The following GPR158 variants were observed in gnomAD, a reference collection of about 807,000 sequenced individuals.
GPR158 encodes the protein G protein-coupled receptor 158.
Under a neutral mutation model 78.2 loss-of-function variants are expected in GPR158, and 30 were observed. That is an observed-to-expected ratio of 0.38 (90% CI 0.29 to 0.52). The LOEUF (loss-of-function observed/expected upper bound fraction) is 0.52, where lower values mean the gene tolerates loss of function less well. Ranked by LOEUF, GPR158 falls within the 20% of genes least tolerant of loss-of-function variation. GPR158 has a pLI of 0.83. For missense variants in GPR158, 1,463 were observed against 1,523.5 expected, an observed-to-expected ratio of 0.96 and a Z score of 0.66; for synonymous variants, 581 against 591.1, an observed-to-expected ratio of 0.98 and a Z score of 0.25.
rs373288686 is a variant in GPR158, at chr10:25,572,640, C to A, written c.1515-9C>A. The A allele has an allele frequency of 5.1e-6, 8 of 1,565,858 alleles. No individual in the cohort carries two copies. Among genetic ancestry groups the A allele is most frequent in the Non-Finnish European group, 7.0e-6 (8 of 1,136,100 alleles). On this transcript the variant is annotated splice_polypyrimidine_tract_variant and intron_variant, in intron 6 of 10. Coordinates refer to ENST00000376351, the MANE Select transcript of GPR158 (RefSeq NM_020752.3). ...GTTTGCTTTCACATTTGAACTTTTG[C>A]TTTTCTAGGGTTTTGAAGGTGTTTC... is the stretch of plus-strand genomic sequence containing the variant.
intron 4 of GPR158, among the ~76,000 whole-genome samples, chr10:25,459,679 ACTTAG>A (rs969325027): frequency 6.6e-6 from 1 of 152,228 alleles, no homozygotes; most frequent in Non-Finnish European, 1.5e-5. Context: ...ACATCCAGTG[ACTTAG>A]CTTCCTCTGG....
chr10:25,184,963 C>A (rs755100877), intron 1 of GPR158, among the ~76,000 whole-genome samples: 1 of 152,190 alleles, frequency 6.6e-6, no homozygotes, highest in Non-Finnish European at 1.5e-5. Flanking sequence ...ACATTTGGGA[C>A]CAGATAGGCC....
chr10:25,302,708 A>G (rs894235660), intron 2 of GPR158, among the ~76,000 whole-genome samples: 9 of 152,330 alleles, frequency 5.9e-5, no homozygotes, highest in Non-Finnish European at 1.3e-4. Flanking sequence ...CCATACAAAA[A>G]CAGACTGCAG....
intron 4 of GPR158, among the ~76,000 whole-genome samples, chr10:25,421,100 T>C (rs116009360): frequency 0.011 from 1,674 of 152,346 alleles, 32 homozygotes; most frequent in African/African-American, 0.039. Context: ...AAACACAAAA[T>C]ATCTTTCTAC....
intron 9 of GPR158, 106 bp from the exon 10 acceptor site, chr10:25,596,537 G>A (rs1030056266): frequency 2.8e-6 from 2 of 715,652 alleles, no homozygotes; most frequent in South Asian, 1.6e-5. Context: ...ATAGATCTAG[G>A]TATAGATATA....
At chr10:25,573,512 G>A (rs1837042532) in intron 7 of GPR158, among the ~76,000 whole-genome samples, 1 of 152,176 alleles carries the variant, frequency 6.6e-6, no homozygotes, top group East Asian at 1.9e-4. Context: ...CATGGCTTGG[G>A]CCCAAAACAC....
intron 5 of GPR158, among the ~76,000 whole-genome samples, chr10:25,470,431 G>A (rs1835484306): frequency 6.6e-6 from 1 of 151,824 alleles, no homozygotes; most frequent in African/African-American, 2.4e-5. Flanking sequence ...ACCAGAAACC[G>A]GATGCTGACA....
At chr10:25,476,384 G>GTTTTTTTTTTTTTTTTTTTT (rs56271781) in intron 5 of GPR158, among the ~76,000 whole-genome samples, 1 of 144,436 alleles carries the variant, frequency 6.9e-6, no homozygotes, top group Non-Finnish European at 1.5e-5. Context: ...TTTAATAAGG[G>GTTTTTTTTTTTTTTTTTTTT]TTTTTTTTTT....
chr10:25,214,331 T>G (rs1853177033), intron 1 of GPR158, among the ~76,000 whole-genome samples: 1 of 152,288 alleles, frequency 6.6e-6, no homozygotes. Context: ...TTAAAAAAAC[T>G]AGTTTTCTAT....
chr10:25,497,106 G>C (rs969553724), intron 5 of GPR158, among the ~76,000 whole-genome samples: 2 of 152,172 alleles, frequency 1.3e-5, no homozygotes, highest in African/African-American at 2.4e-5. Context: ...TATTTGGTGT[G>C]TAAGAACTGA....
At chr10:25,205,276 T>A in intron 1 of GPR158, among the ~76,000 whole-genome samples, 1 of 105,718 alleles carries the variant, frequency 9.5e-6, no homozygotes, top group East Asian at 2.4e-4. Flanking sequence ...GATCTTCTCT[T>A]TTTTTTTTTT....
intron 1 of GPR158, among the ~76,000 whole-genome samples, chr10:25,192,631 G>A (rs1852787406): frequency 6.6e-6 from 1 of 151,936 alleles, no homozygotes; most frequent in Non-Finnish European, 1.5e-5. Flanking sequence ...TATGTAAAGA[G>A]GCTAACATAA....
At chr10:25,484,157 C>T (rs757276436) in intron 5 of GPR158, among the ~76,000 whole-genome samples, 1 of 152,150 alleles carries the variant, frequency 6.6e-6, no homozygotes. Flanking sequence ...GTTCCCTCTG[C>T]CACGGCAATT....
intron 8 of GPR158, 130 bp from the exon 9 acceptor site, chr10:25,594,162 C>T: frequency 1.7e-6 from 1 of 605,250 alleles, no homozygotes; most frequent in Non-Finnish European, 2.9e-6. Flanking sequence ...AAATATATGC[C>T]ATAGAAATAG....
intron 2 of GPR158, among the ~76,000 whole-genome samples, chr10:25,362,414 A>G (rs1272602952): frequency 6.6e-6 from 1 of 151,718 alleles, no homozygotes; most frequent in East Asian, 1.9e-4. Context: ...TTTTTTCTTC[A>G]ATATTTTCTT....
At chr10:25,523,923 G>C (rs1199251809) in intron 5 of GPR158, among the ~76,000 whole-genome samples, 2 of 151,954 alleles carry the variant, frequency 1.3e-5, no homozygotes, top group Admixed American at 6.6e-5. Flanking sequence ...ATCTTATAGA[G>C]AGAAAACTCT....
chr10:25,418,847 C>A (rs957225638), intron 4 of GPR158, among the ~76,000 whole-genome samples: 1 of 149,154 alleles, frequency 6.7e-6, no homozygotes, highest in African/African-American at 2.5e-5. Flanking sequence ...TTTTAAAAAA[C>A]ATGGACACAC....
intron 1 of GPR158, among the ~76,000 whole-genome samples, chr10:25,197,946 T>C (rs1852866123): frequency 6.6e-6 from 1 of 152,164 alleles, no homozygotes; most frequent in East Asian, 1.9e-4. Context: ...ACCCTGTGGA[T>C]GTGTTTGATA....
chr10:25,182,714 G>T (rs952427363), intron 1 of GPR158, among the ~76,000 whole-genome samples: 1 of 152,168 alleles, frequency 6.6e-6, no homozygotes, highest in African/African-American at 2.4e-5. Flanking sequence ...TCTTAAGAGT[G>T]CTGTTGGATT....
Sources: allele counts gnomAD v4.1 joint callset (sites outside exome capture counted in the v4.1 genomes callset), GRCh38; gene constraint gnomAD v4.1.1; transcripts MANE v1.5; gene names NCBI Gene and HGNC (gene_info 2026-07-23, HGNC 2026-07-21).